The following CDHR3 variants were observed in gnomAD, a reference collection of about 807,000 sequenced individuals.
The protein encoded by CDHR3 is cadherin related family member 3, also known as cadherin-related family member 3.
In CDHR3, 79 loss-of-function variants were observed where a neutral mutation model predicts 86.6. That is an observed-to-expected ratio of 0.91 (90% confidence interval 0.76 to 1.10). The LOEUF (loss-of-function observed/expected upper bound fraction) is 1.10, where lower values mean the gene tolerates loss of function less well. CDHR3 is among the 50% of genes least tolerant of loss of function. CDHR3 has a pLI of 0.00. For synonymous variants in CDHR3, 421 were observed against 402.4 expected (o/e 1.05, Z -0.55); for missense variants, 1,081 against 1,077.6 (o/e 1.00, Z -0.04).
intron 4 of CDHR3, among the ~76,000 whole-genome samples, chr7:105,987,147 G>A (rs1022290714): frequency 9.9e-5 from 15 of 152,140 alleles, no homozygotes; most frequent in African/African-American, 3.6e-4. Flanking sequence ...TTCAGAGGAA[G>A]GAAAGCTGCC....
rs200951410 is a variant in CDHR3, at chr7:105,963,363, A to G, written c.45A>G (p.Ser15=). ...IILLALLGAM[S]GGEALHLILL... ...TCCTGGCTCTCCTGGGTGCCATGTC[A>G]GGTAGGAACTCAATTTTGCTTTGGA... The change falls in exon 1 of 19, where the codon TCA becomes TCG. Residue 15 remains serine, a splice_region_variant and synonymous_variant. Coordinates refer to ENST00000317716, the MANE Select transcript of CDHR3 (RefSeq NM_152750.5). The G allele has an allele frequency of 1.9e-4, 303 of 1,613,976 alleles. 1 individual carries two copies. The African/African-American group carries it at 3.8e-3, about 20-fold the overall frequency.
At chr7:105,969,447 G>T (rs1439278259) in intron 1 of CDHR3, among the ~76,000 whole-genome samples, 2 of 151,438 alleles carry the variant, frequency 1.3e-5, no homozygotes, top group African/African-American at 4.9e-5. Flanking sequence ...GTGGGTCCTA[G>T]GAGTTTCTGA....
In CDHR3 at chr7:106,033,851, G is replaced by A. The variant is rs1838695620; in HGVS notation, c.*1154G>A. The A allele has an allele frequency of 6.6e-6, 1 of 152,182 alleles. No individual in the cohort carries two copies. The highest frequency in any genetic ancestry group is 1.5e-5 in the Non-Finnish European group (1 of 68,038). The allele number at this position is 152,182 out of a possible 1,614,324, so 9.4% of individuals were successfully genotyped here. ...CATATATCTAAGAGTGGGATTGCTG[G>A]AGCAATTGCTGGATCTGCCAAAGAG... On this transcript the variant is annotated 3_prime_UTR_variant, in exon 19 of 19. Transcript: ENST00000317716.
intron 4 of CDHR3, among the ~76,000 whole-genome samples, chr7:105,988,827 A>T (rs911463597): frequency 4.6e-5 from 7 of 152,260 alleles, no homozygotes; most frequent in African/African-American, 1.7e-4. Context: ...AATGAAATTA[A>T]TTTTAATAGC....
intron 4 of CDHR3, among the ~76,000 whole-genome samples, chr7:105,985,124 T>C (rs1354583512): frequency 3.3e-5 from 5 of 151,982 alleles, no homozygotes; most frequent in Non-Finnish European, 7.4e-5. Flanking sequence ...GATTGGGTCC[T>C]GGGAATTGCC....
At chr7:105,991,218 G>A (rs967119104) in intron 4 of CDHR3, among the ~76,000 whole-genome samples, 4 of 152,172 alleles carry the variant, frequency 2.6e-5, no homozygotes, top group African/African-American at 4.8e-5. Context: ...CCTTTAAAAA[G>A]GGGGAGAAAA....
chr7:106,005,086 A>T (rs1833767062), intron 8 of CDHR3, among the ~76,000 whole-genome samples: 1 of 152,146 alleles, frequency 6.6e-6, no homozygotes, highest in African/African-American at 2.4e-5. Context: ...GACGTTTGAG[A>T]CTTAGGATCA....
At chr7:105,993,946 A>G (rs1338985772) in intron 4 of CDHR3, among the ~76,000 whole-genome samples, 1 of 152,196 alleles carries the variant, frequency 6.6e-6, no homozygotes, top group Non-Finnish European at 1.5e-5. Context: ...CTATGATGAC[A>G]AAGACTCTCA....
At chr7:105,982,923 C>T (rs1829981873) in intron 3 of CDHR3, among the ~76,000 whole-genome samples, 1 of 147,340 alleles carries the variant, frequency 6.8e-6, no homozygotes, top group South Asian at 2.1e-4. Context: ...GTCGAGGCTG[C>T]AGTGAGCTAT....
Position 106,030,918 on chromosome 7 carries a change from T to G in CDHR3, c.2353+78T>G. On this transcript the variant is annotated intron_variant, in intron 18 of 18. Transcript: ENST00000317716. This position sits in a 1 kb window ranked among gnomAD's most constrained non-coding sequence, Gnocchi z 4.8. ...AGAAGCATGGAGGATCTTATCCAAT[T>G]TCCTGCTTTTAGCTCATTTTGTCAA... 1 of 1,384,062 alleles carries G rather than the reference T, an allele frequency of 7.2e-7. No individual in the cohort carries two copies. The highest frequency in any genetic ancestry group is 1.0e-6 in the Non-Finnish European group (1 of 992,478). The allele number at this position is 1,384,062 out of a possible 1,614,324, so 85.7% of individuals were successfully genotyped here.
At chr7:105,969,003 G>A (rs536490027) in intron 1 of CDHR3, among the ~76,000 whole-genome samples, 75 of 152,064 alleles carry the variant, frequency 4.9e-4, no homozygotes, top group African/African-American at 1.7e-3. Context: ...CAGGAGAATG[G>A]CATGTACCCG....
At chr7:106,017,455 A>G (rs1490808037) in intron 11 of CDHR3, among the ~76,000 whole-genome samples, 1 of 151,900 alleles carries the variant, frequency 6.6e-6, no homozygotes, top group Non-Finnish European at 1.5e-5. Flanking sequence ...GCTACTTGGG[A>G]GGCTGAGGCA....
intron 10 of CDHR3, 166 bp from the exon 11 acceptor site, chr7:106,015,760 CA>C: frequency 1.5e-6 from 1 of 672,068 alleles, no homozygotes; most frequent in Non-Finnish European, 2.7e-6. Flanking sequence ...ATGCGCTTAT[CA>C]AAGGGTGAAC....
Position 105,975,126 on chromosome 7 carries a change from G to A in CDHR3, c.249+80G>A, listed in dbSNP as rs1004681697. ...TGAGGGTGGATGGGATGCCAGATCA[G>A]TGATTAATTCCTCCATCTGGTTTAA... On this transcript the variant is annotated intron_variant, in intron 2 of 18. Transcript: ENST00000317716. 6.0e-6 allele frequency: 7 copies of A among 1,169,106 alleles called. No homozygotes were observed. The African/African-American group carries it at 9.0e-5, about 15-fold the overall frequency. The allele number at this position is 1,169,106 out of a possible 1,614,324, so 72.4% of individuals were successfully genotyped here.
At chr7:105,975,790 T>G (rs41263) in intron 2 of CDHR3, among the ~76,000 whole-genome samples, 149,789 of 152,254 alleles carry the variant, frequency 0.98, 73,689 homozygotes, top group East Asian at 1. Context: ...TCCTCAACTG[T>G]CCTGGGAACT....
chr7:105,982,206 C>T (rs1013344778), intron 3 of CDHR3, among the ~76,000 whole-genome samples: 7 of 152,168 alleles, frequency 4.6e-5, no homozygotes, highest in East Asian at 3.9e-4. Context: ...CGGTGGCTCA[C>T]GCCTGTAATC....
chr7:106,019,415 A>G (rs1836197924), intron 12 of CDHR3, among the ~76,000 whole-genome samples: 1 of 151,670 alleles, frequency 6.6e-6, no homozygotes, highest in Admixed American at 6.6e-5. Flanking sequence ...AAGAAAATGA[A>G]TGGACTCCAC....
chr7:105,992,489 A>G (rs1420202987), intron 4 of CDHR3, among the ~76,000 whole-genome samples: 2 of 152,190 alleles, frequency 1.3e-5, no homozygotes, highest in Admixed American at 6.5e-5. Context: ...TAAACCCCAC[A>G]CCTGGGAGTA....
At chr7:106,028,611 C>A (rs551236213) in intron 17 of CDHR3, 29 bp downstream of exon 17, 1 of 1,613,254 alleles carries the variant, frequency 6.2e-7, no homozygotes, top group Non-Finnish European at 8.5e-7. Context: ...GGGCACCAGG[C>A]ATAGACGCTG....
Sources: gnomAD v4.1 joint callset for allele counts (sites outside exome capture counted in the v4.1 genomes callset) on GRCh38, gnomAD v4.1.1 for gene constraint, Gnocchi (gnomAD v3.1) non-coding constraint, MANE v1.5 for transcripts, NCBI Gene and HGNC (gene_info 2026-07-23, HGNC 2026-07-21) for gene names.